GADD45A: variants seen among roughly 807,000 people sequenced by gnomAD.
GADD45A encodes growth arrest and DNA damage inducible alpha.
Under a neutral mutation model 17.7 loss-of-function variants are expected in GADD45A, and 9 were observed. The ratio of observed to expected loss-of-function variants is 0.51; its 90% CI spans 0.31 to 0.89. The LOEUF is 0.89. Ranked by LOEUF, GADD45A falls within the 40% of genes least tolerant of loss-of-function variation. The pLI is 0.05. For synonymous variants in GADD45A, 95 were observed against 92.2 expected, an observed-to-expected ratio of 1.03 and a Z score of -0.17; for missense variants, 149 against 220.6, an observed-to-expected ratio of 0.68 and a Z score of 2.06.
In GADD45A at chr1:67,685,218, G is replaced by A. The variant is rs1646123115; in HGVS notation, c.-277G>A. ...TGTCCTCCAGTGGCTGGTAGGCAGT[G>A]GCTGGGAGGCAGCGGCCCAATTAGT... On this transcript the variant is annotated 5_prime_UTR_variant, in exon 1 of 4. Transcript: ENST00000370986. The A allele has an allele frequency of 2.1e-6, 1 of 469,836 alleles. No individual in the cohort carries two copies. The highest frequency in any genetic ancestry group is 2.1e-5 in the African/African-American group (1 of 47,956). 29.1% of individuals were successfully genotyped at this position (469,836 alleles called of 1,614,324 possible).
At position 67,685,247 on chromosome 1, in the gene GADD45A, G is replaced by C; in HGVS notation, c.-248G>C. The C allele has an allele frequency of 2.0e-6, 1 of 501,774 alleles. No individual in the cohort carries two copies. The allele number at this position is 501,774 out of a possible 1,614,324, so 31.1% of individuals were successfully genotyped here. A position where few individuals can be genotyped will look rare whatever the true frequency, so the allele number is the denominator to read the frequency against. ...GGGAGGCAGCGGCCCAATTAGTGTC[G>C]TGCGGCCCGTGGCGAGGCGAGGTCC... is the stretch of plus-strand genomic sequence containing the variant. On this transcript the variant is annotated 5_prime_UTR_variant, in exon 1 of 4. Transcript: ENST00000370986.
intron 3 of GADD45A, 150 bp downstream of exon 3, chr1:67,686,737 G>C: frequency 1.5e-6 from 1 of 650,868 alleles, no homozygotes; most frequent in Non-Finnish European, 2.6e-6. Flanking sequence ...TTTCAGCCGA[G>C]ATGTGCTAGT....
At position 67,686,390 on chromosome 1, in the gene GADD45A, G is replaced by T. The variant is rs774371588; in HGVS notation, c.187G>T (p.Glu63Ter). Residue 63 changes from glutamate (E) to a stop codon, truncating the protein, a stop_gained, in exon 3 of 4, where the codon GAG becomes TAG. Coordinates refer to ENST00000370986, the MANE Select transcript of GADD45A (RefSeq NM_001924.4). LOFTEE classifies it high-confidence loss of function. Reference sequence around the variant, plus strand: ...GGTGTTGTGCCTGCTGGCGGCGGACGAGGACGACGACAGAGATGTGGCTCT... The same window carrying T: ...GGTGTTGTGCCTGCTGGCGGCGGACTAGGACGACGACAGAGATGTGGCTCT... ...NVVLCLLAADEDDDRDVALQI... is the reference protein window; with the variant it reads ...NVVLCLLAAD 1.2e-6 allele frequency: 2 copies of T among 1,613,418 alleles called. No individual in the cohort carries two copies. Among genetic ancestry groups the T allele is most frequent in the East Asian group, 2.2e-5 (1 of 44,884 alleles).
At chr1:67,686,166 C>A in intron 2 of GADD45A, 40 bp downstream of exon 2, 1 of 1,530,880 alleles carries the variant, frequency 6.5e-7, no homozygotes, top group East Asian at 2.4e-5. Context: ...GCACCCCTTC[C>A]CGCCCCAGCC....
rs3783465 is a variant in GADD45A at position 67,685,962 on chromosome 1, G to A, written c.45-63G>A. On this transcript the variant is annotated intron_variant, in intron 1 of 3. Coordinates refer to ENST00000370986, the MANE Select transcript of GADD45A (RefSeq NM_001924.4). ...GGGAGGGGCGTGGTACCGGACGAGG[G>A]GGGCGGCGATGGCCCCGAGGGCACC... The A allele has an allele frequency of 8.5e-4, 907 of 1,069,434 alleles. 3 individuals are homozygous for A. The African/African-American group carries it at 0.012, about 14-fold the overall frequency. The allele number at this position is 1,069,434 out of a possible 1,614,324, so 66.2% of individuals were successfully genotyped here. A position where few individuals can be genotyped will look rare whatever the true frequency, so the allele number is the denominator to read the frequency against.
chr1:67,686,700 CT>C lies in GADD45A; in HGVS notation c.384+116del, dbSNP rs1646136752. On this transcript the variant is annotated intron_variant, in intron 3 of 3. Transcript: ENST00000370986. ...AGGTGGGGGTCAGGAGGGTGGCTGC[CT>C]TTGTCCGACTAGAGTGTGGCTGGAC... The C allele has an allele frequency of 4.8e-6, 4 of 839,138 alleles. No homozygotes were observed. In the East Asian group the frequency reaches 1.1e-4, roughly 22 times the overall value. 52.0% of individuals were successfully genotyped at this position (839,138 alleles called of 1,614,324 possible).
Position 67,686,115 on chromosome 1 carries a change from G to A in GADD45A, c.135G>A (p.Lys45=), listed in dbSNP as rs1180293606. ...CTGTCGGGGTGTACGAAGCGGCCAA[G>A]CTGCTCAACGTGTAAGTGGGGCCCT... is the stretch of plus-strand genomic sequence containing the variant. ...TITVGVYEAA[K]LLNVDPDNVV... The change falls in exon 2 of 4, where the codon AAG becomes AAA. Residue 45 remains lysine, a synonymous_variant. Transcript: ENST00000370986. 5 of 1,610,144 alleles carry A rather than the reference G, an allele frequency of 3.1e-6. No individual in the cohort carries two copies. In the South Asian group the frequency reaches 5.5e-5, roughly 18 times the overall value.
intron 2 of GADD45A, 53 bp from the exon 3 acceptor site, chr1:67,686,297 T>G (rs2759219): frequency 0.84 from 1,295,181 of 1,539,056 alleles, 547,885 homozygotes; most frequent in Non-Finnish European, 0.86. Context: ...ACCCGGGCAG[T>G]GGTTGAGGGC....
rs939845176 is a variant in GADD45A at position 67,685,275 on chromosome 1, G to GGAGC, written c.-211_-208dup. Reference sequence around the variant, plus strand: ...CGGCCCGTGGCGAGGCGAGGTCCGGGGAGCGAGCGAGCAAGCAAGGCGGGA... The same window carrying GGAGC: ...CGGCCCGTGGCGAGGCGAGGTCCGGGGAGCGAGCGAGCGAGCAAGCAAGGCGGGA... On this transcript the variant is annotated 5_prime_UTR_variant, in exon 1 of 4. Transcript: ENST00000370986. 4 of 517,608 alleles carry GGAGC rather than the reference G, an allele frequency of 7.7e-6. No homozygotes were observed. The highest frequency in any genetic ancestry group is 6.2e-5 in the African/African-American group (3 of 48,620). The allele number at this position is 517,608 out of a possible 1,614,324, so 32.1% of individuals were successfully genotyped here.
Position 67,685,366 on chromosome 1 carries a change from G to A in GADD45A, c.-129G>A. The A allele has an allele frequency of 3.8e-6, 3 of 786,292 alleles. No homozygotes were observed. Among genetic ancestry groups the A allele is most frequent in the South Asian group, 3.6e-5 (2 of 55,170 alleles). 48.7% of individuals were successfully genotyped at this position (786,292 alleles called of 1,614,324 possible). ...CCCGGGCGGGCGAGGGGCGGCCGGA[G>A]AGCGCCAGGGCCTGAGCTGCCGGAG... On this transcript the variant is annotated 5_prime_UTR_variant, in exon 1 of 4. Coordinates refer to ENST00000370986, the MANE Select transcript of GADD45A (RefSeq NM_001924.4).
chr1:67,687,547 T>C (rs1646144358), intron 3 of GADD45A, 114 bp from the exon 4 acceptor site: 4 of 668,472 alleles, frequency 6.0e-6, no homozygotes, highest in Non-Finnish European at 1.0e-5. Context: ...TTCTAATTTG[T>C]CTCCATGTCA....
chr1:67,685,512 C>A lies in GADD45A; in HGVS notation c.18C>A (p.Phe6Leu). Residue 6 changes from phenylalanine to leucine, a missense_variant, in exon 1 of 4, where the codon TTC becomes TTA. Physicochemically the swap from Phe to Leu is conservative, Grantham distance 22. Coordinates refer to ENST00000370986, the MANE Select transcript of GADD45A (RefSeq NM_001924.4). MTLEEFSAGEQKTERM... is the reference protein window; with the variant it reads MTLEELSAGEQKTERM... Reference sequence around the variant, plus strand: ...TTTGCAATATGACTTTGGAGGAATTCTCGGCTGGAGAGCAGAAGACCGAAA... The same window carrying A: ...TTTGCAATATGACTTTGGAGGAATTATCGGCTGGAGAGCAGAAGACCGAAA... 1.9e-6 allele frequency: 3 copies of A among 1,610,708 alleles called. No individual in the cohort carries two copies. The highest frequency in any genetic ancestry group is 2.5e-6 in the Non-Finnish European group (3 of 1,178,340).
Position 67,685,442 on chromosome 1 carries a change from C to T in GADD45A, c.-53C>T. The T allele has an allele frequency of 6.4e-7, 1 of 1,557,594 alleles. No homozygotes were observed. Among genetic ancestry groups the T allele is most frequent in the East Asian group, 2.3e-5 (1 of 42,878 alleles). ...GCAGGCGCCCGCGCGCTAGCCGTGG[C>T]AGGAGCAGCCCGCACGCCGCGCTCT... is the stretch of plus-strand genomic sequence containing the variant. On this transcript the variant is annotated 5_prime_UTR_variant, in exon 1 of 4. Coordinates refer to ENST00000370986, the MANE Select transcript of GADD45A (RefSeq NM_001924.4).
Position 67,685,268 on chromosome 1 carries a change from G to A in GADD45A, c.-227G>A, listed in dbSNP as rs1180821274. 3 of 512,088 alleles carry A rather than the reference G, an allele frequency of 5.9e-6. No individual in the cohort carries two copies. The highest frequency in any genetic ancestry group is 1.0e-5 in the Non-Finnish European group (3 of 293,040). 31.7% of individuals were successfully genotyped at this position (512,088 alleles called of 1,614,324 possible). On this transcript the variant is annotated 5_prime_UTR_variant, in exon 1 of 4. Transcript: ENST00000370986. Reference sequence around the variant, plus strand: ...TGTCGTGCGGCCCGTGGCGAGGCGAGGTCCGGGGAGCGAGCGAGCAAGCAA... The same window carrying A: ...TGTCGTGCGGCCCGTGGCGAGGCGAAGTCCGGGGAGCGAGCGAGCAAGCAA...
rs1646123899 is a variant in GADD45A, at chr1:67,685,266, G to A, written c.-229G>A. The stretch of plus-strand genomic sequence containing the variant: ...AGTGTCGTGCGGCCCGTGGCGAGGC[G>A]AGGTCCGGGGAGCGAGCGAGCAAGC... On this transcript the variant is annotated 5_prime_UTR_variant, in exon 1 of 4. Transcript: ENST00000370986. 7.9e-6 allele frequency: 4 copies of A among 507,268 alleles called. No individual in the cohort carries two copies. The East Asian group carries it at 1.4e-4, about 18-fold the overall frequency. The allele number at this position is 507,268 out of a possible 1,614,324, so 31.4% of individuals were successfully genotyped here.
chr1:67,686,405 G>T lies in GADD45A; in HGVS notation c.202G>T (p.Asp68Tyr), dbSNP rs955215641. The change falls in exon 3 of 4, where the codon GAT becomes TAT. Residue 68 changes from aspartate (D) to tyrosine (Y), a missense_variant. By Grantham distance (160) the Asp-to-Tyr change is radical (BLOSUM62 -3). Coordinates refer to ENST00000370986, the MANE Select transcript of GADD45A (RefSeq NM_001924.4). The stretch of plus-strand genomic sequence containing the variant: ...GGCGGCGGACGAGGACGACGACAGA[G>T]ATGTGGCTCTGCAGATCCACTTCAC... The part of the protein sequence containing the change: ...LLAADEDDDR[D>Y]VALQIHFTLI... The T allele has an allele frequency of 6.2e-7, 1 of 1,613,736 alleles. No homozygotes were observed. Among genetic ancestry groups the T allele is most frequent in the Admixed American group, 1.7e-5 (1 of 60,032 alleles).
In GADD45A at chr1:67,685,295, G is replaced by T; in HGVS notation, c.-200G>T. On this transcript the variant is annotated 5_prime_UTR_variant, in exon 1 of 4. Transcript: ENST00000370986. Reference sequence around the variant, plus strand: ...TCCGGGGAGCGAGCGAGCAAGCAAGGCGGGAGGGGTGGCCGGAGCTGCGGC... The same window carrying T: ...TCCGGGGAGCGAGCGAGCAAGCAAGTCGGGAGGGGTGGCCGGAGCTGCGGC... 1.9e-6 allele frequency: 1 copy of T among 532,612 alleles called. No individual in the cohort carries two copies. Among genetic ancestry groups the T allele is most frequent in the Non-Finnish European group, 3.3e-6 (1 of 304,886 alleles). The allele number at this position is 532,612 out of a possible 1,614,324, so 33.0% of individuals were successfully genotyped here. A position where few individuals can be genotyped will look rare whatever the true frequency, so the allele number is the denominator to read the frequency against.
intron 3 of GADD45A, 121 bp downstream of exon 3, chr1:67,686,708 G>C: frequency 1.3e-6 from 1 of 741,982 alleles, no homozygotes; most frequent in South Asian, 1.8e-5. Flanking sequence ...GCCTTTGTCC[G>C]ACTAGAGTGT....
chr1:67,687,599 A>G, intron 3 of GADD45A, 62 bp from the exon 4 acceptor site: 1 of 1,029,730 alleles, frequency 9.7e-7, no homozygotes, highest in Non-Finnish European at 1.5e-6. Context: ...TCTCCTCAAA[A>G]GTATAATTAC....
Sources: gnomAD v4.1 joint callset for allele counts on GRCh38, gnomAD v4.1.1 for gene constraint, MANE v1.5 for transcripts, NCBI Gene and HGNC (gene_info 2026-07-23, HGNC 2026-07-21) for gene names.